Variants in TNRC6A observed in about 807,000 individuals in gnomAD.
TNRC6A encodes trinucleotide repeat containing adaptor 6A.
TNRC6A carries 44 observed loss-of-function variants against 221.2 expected under a neutral mutation model. That is an observed-to-expected ratio of 0.20 (90% CI 0.16 to 0.26). TNRC6A has a LOEUF of 0.26. Ranked by LOEUF, TNRC6A falls within the 10% of genes least tolerant of loss-of-function variation. The pLI, the probability that TNRC6A is intolerant of heterozygous loss-of-function variation, is 1.00. For synonymous variants in TNRC6A, 847 were observed against 838.5 expected (o/e 1.01, Z -0.18); for missense variants, 2,199 against 2,404.4 (o/e 0.91, Z 1.79).
chr16:24,625,732 C>CAAAACA (rs1164386655), intron 1 of TNRC6A, among the ~76,000 whole-genome samples: 3 of 78,512 alleles, frequency 3.8e-5, no homozygotes, highest in African/African-American at 1.5e-4. Flanking sequence ...GACTCCGTCT[C>CAAAACA]AAAACAAAAA....
chr16:24,618,678 T>C (rs1310419462), intron 1 of TNRC6A, among the ~76,000 whole-genome samples: 1 of 137,708 alleles, frequency 7.3e-6, no homozygotes, highest in East Asian at 2.1e-4. Context: ...TGAGACAAGG[T>C]CTCACTCTGG....
intron 2 of TNRC6A, among the ~76,000 whole-genome samples, chr16:24,652,143 A>G (rs1902706958): frequency 6.6e-6 from 1 of 152,054 alleles, no homozygotes; most frequent in African/African-American, 2.4e-5. Flanking sequence ...GGAAACTTAG[A>G]TGAACTTGGA....
chr16:24,640,786 T>G (rs1323175751), intron 1 of TNRC6A: 1 of 151,980 alleles, frequency 6.6e-6, no homozygotes, highest in Non-Finnish European at 1.5e-5. Flanking sequence ...CATGGGTTTG[T>G]GTCTCATAGG....
intron 2 of TNRC6A, among the ~76,000 whole-genome samples, chr16:24,657,334 A>AC (rs1227843507): frequency 6.8e-6 from 1 of 146,410 alleles, no homozygotes; most frequent in East Asian, 2.0e-4. Context: ...AAAAAAAAAA[A>AC]AAAAAAAACA....
Position 24,729,758 on chromosome 16 carries a change from G to A in TNRC6A, c.-84G>A. On this transcript the variant is annotated 5_prime_UTR_variant, in exon 1 of 25. Coordinates refer to ENST00000395799, the MANE Select transcript of TNRC6A (RefSeq NM_014494.4). ...GAAAATGGCGCTGGTGCAGCGGCTC[G>A]GGCCTCTCCCCGCGGCGCTGCGGAG... 1.5e-6 allele frequency: 2 copies of A among 1,346,430 alleles called. No homozygotes were observed. The highest frequency in any genetic ancestry group is 9.6e-7 in the Non-Finnish European group (1 of 1,045,716). 83.4% of individuals were successfully genotyped at this position (1,346,430 alleles called of 1,614,324 possible).
chr16:24,744,874 T>A (rs2056969232), intron 2 of TNRC6A, among the ~76,000 whole-genome samples: 1 of 152,184 alleles, frequency 6.6e-6, no homozygotes, highest in Non-Finnish European at 1.5e-5. Context: ...TAAATATATA[T>A]ATATTCATAT....
chr16:24,690,995 G>A (rs538655875), intron 2 of TNRC6A, among the ~76,000 whole-genome samples: 7 of 152,018 alleles, frequency 4.6e-5, no homozygotes, highest in African/African-American at 1.7e-4. Flanking sequence ...ATTTTTGGTA[G>A]AGACGGGGTT....
At chr16:24,695,183 G>T (rs1218556664) in intron 2 of TNRC6A, among the ~76,000 whole-genome samples, 1 of 152,096 alleles carries the variant, frequency 6.6e-6, no homozygotes, top group African/African-American at 2.4e-5. Context: ...TCTAGCTGAA[G>T]AAAACGAAAC....
intron 1 of TNRC6A, among the ~76,000 whole-genome samples, chr16:24,623,198 T>A (rs1328626098): frequency 7.7e-6 from 1 of 129,044 alleles, no homozygotes; most frequent in Non-Finnish European, 1.6e-5. Flanking sequence ...TATTTACTTA[T>A]TTTATTTATT....
In TNRC6A at chr16:24,730,308, G is replaced by T; in HGVS notation, c.53+8G>T. The T allele has an allele frequency of 6.2e-7, 1 of 1,604,238 alleles. No individual in the cohort carries two copies. The highest frequency in any genetic ancestry group is 1.1e-5 in the South Asian group (1 of 90,064). ...AGAAAGAAATCTTAGCAGGTAAGAT[G>T]GGCGAGCTTTCCGTCTCCCGCCCCA... On this transcript the variant is annotated splice_region_variant and intron_variant, in intron 2 of 24. Coordinates refer to ENST00000395799, the MANE Select transcript of TNRC6A (RefSeq NM_014494.4).
At chr16:24,698,463 G>A (rs781416925) in intron 2 of TNRC6A, among the ~76,000 whole-genome samples, 7 of 152,112 alleles carry the variant, frequency 4.6e-5, no homozygotes, top group Non-Finnish European at 8.8e-5. Flanking sequence ...TGTGTGGTGC[G>A]CTTGGAGATA....
intron 2 of TNRC6A, among the ~76,000 whole-genome samples, chr16:24,645,115 A>C (rs1401788973): frequency 2.0e-5 from 3 of 152,206 alleles, no homozygotes; most frequent in African/African-American, 7.2e-5. Flanking sequence ...TCAAAAAATC[A>C]CTTTCCTGTA....
chr16:24,824,131 C>CA lies in TNRC6A; in HGVS notation c.*324_*325insA, dbSNP rs2058827443. ...TTTCCTTCTATTCCTCCCCAACCCC[C>CA]CCCCCCGCCCCTTTTTTTCTCTCTT... On this transcript the variant is annotated 3_prime_UTR_variant, in exon 25 of 25. Transcript: ENST00000395799. The CA allele has an allele frequency of 1.6e-5, 2 of 127,000 alleles. 1 individual carries two copies. Among genetic ancestry groups the CA allele is most frequent in the African/African-American group, 8.4e-5 (2 of 23,694 alleles). 7.9% of individuals were successfully genotyped at this position (127,000 alleles called of 1,614,324 possible).
chr16:24,809,513 A>G (rs772879642), intron 18 of TNRC6A, 32 bp downstream of exon 18: 1 of 1,517,274 alleles, frequency 6.6e-7, no homozygotes, highest in Non-Finnish European at 8.9e-7. Context: ...AAAAAAAAAA[A>G]AAAAACACAC....
chr16:24,748,329 T>C (rs1412896128), intron 2 of TNRC6A, among the ~76,000 whole-genome samples: 4 of 152,208 alleles, frequency 2.6e-5, no homozygotes, highest in Admixed American at 1.3e-4. Context: ...CGTTGTTTAC[T>C]GATTTTACTC....
In TNRC6A at chr16:24,711,869, C is replaced by T. The variant is rs370088541; in HGVS notation, n.403-38857C>T. 1.7e-4 allele frequency among the ~76,000 whole-genome samples: 26 copies of T among 151,902 alleles called. No homozygotes were observed. In the East Asian group the frequency reaches 2.3e-3, roughly 14 times the overall value. Reference sequence around the variant, plus strand: ...AGAGATGGAATCACACTATGTTGCCCGGGCTAGTCTCAAACTCCTGGGCTC... The same window carrying T: ...AGAGATGGAATCACACTATGTTGCCTGGGCTAGTCTCAAACTCCTGGGCTC... On this transcript the variant is annotated intron_variant and non_coding_transcript_variant, in intron 2 of 2. Transcript: ENST00000566108.
Position 24,729,719 on chromosome 16 carries a change from A to T in TNRC6A, c.-123A>T. ...CGGCGGCGGCGGCGGCGGCGGCGGC[A>T]GCGGGTCGGTGTAGAAAATGGCGCT... On this transcript the variant is annotated 5_prime_UTR_variant, in exon 1 of 25. Transcript: ENST00000395799. 7.5e-6 allele frequency: 7 copies of T among 933,692 alleles called. No homozygotes were observed. The highest frequency in any genetic ancestry group is 9.8e-6 in the Non-Finnish European group (7 of 717,250). 57.8% of individuals were successfully genotyped at this position (933,692 alleles called of 1,614,324 possible).
At chr16:24,810,522 A>G (rs529377733) in intron 18 of TNRC6A, among the ~76,000 whole-genome samples, 148 of 152,332 alleles carry the variant, frequency 9.7e-4, no homozygotes, top group African/African-American at 3.3e-3. Flanking sequence ...TGAGTCAGGA[A>G]TAACTGCAGG....
chr16:24,664,797 A>C, intron 2 of TNRC6A: 1 of 425,476 alleles, frequency 2.4e-6, no homozygotes, highest in Admixed American at 2.6e-5. Flanking sequence ...ACACACACAC[A>C]CACACACACA....
Sources: allele counts gnomAD v4.1 joint callset (sites outside exome capture counted in the v4.1 genomes callset), GRCh38; gene constraint gnomAD v4.1.1; transcripts MANE v1.5; gene names NCBI Gene and HGNC (gene_info 2026-07-23, HGNC 2026-07-21).